PTPRD: variants seen among roughly 807,000 people sequenced by gnomAD.
The protein encoded by PTPRD is protein tyrosine phosphatase receptor type D.
In PTPRD, 34 loss-of-function variants were observed where a neutral mutation model predicts 214.5. The observed-to-expected ratio is 0.16, with a 90% CI of 0.12 to 0.21. The LOEUF (loss-of-function observed/expected upper bound fraction) is 0.21, where lower values mean the gene tolerates loss of function less well. Among genes scored for constraint, PTPRD ranks in the 10% least tolerant of loss-of-function variants. The pLI is 1.00. For missense variants in PTPRD, 2,545 were observed against 2,398.7 expected (o/e 1.06, Z -1.27); for synonymous variants, 1,128 against 845.7 (o/e 1.33, Z -5.79).
At chr9:9,271,646 A>G (rs979581618) in intron 9 of PTPRD, among the ~76,000 whole-genome samples, 5 of 151,436 alleles carry the variant, frequency 3.3e-5, no homozygotes, top group African/African-American at 9.7e-5. Flanking sequence ...GAGAATTTCT[A>G]TAAACAGTCT....
intron 2 of PTPRD, among the ~76,000 whole-genome samples, chr9:10,487,847 T>C (rs190073214): frequency 5.6e-5 from 8 of 143,988 alleles, no homozygotes; most frequent in African/African-American, 1.8e-4. Context: ...TTTTTTTTTT[T>C]AAAAAGGAGA....
rs116092068 is a variant in PTPRD at position 9,563,124 on chromosome 9, G to C, written c.-237+11608C>G. On this transcript the variant is annotated intron_variant, in intron 8 of 45. Coordinates refer to ENST00000381196, the MANE Select transcript of PTPRD (RefSeq NM_002839.4). Reference sequence around the variant, plus strand: ...TATAAGAAATATATAATGTGTTTCAGTCTGACCCTTCTCTTTGGTAGGAGC... The same window carrying C: ...TATAAGAAATATATAATGTGTTTCACTCTGACCCTTCTCTTTGGTAGGAGC... Among the ~76,000 whole-genome samples the C allele has an allele frequency of 2.8e-3, 430 of 152,256 alleles. 1 individual carries two copies. Among genetic ancestry groups the C allele is most frequent in the African/African-American group, 9.9e-3 (410 of 41,538 alleles).
At chr9:8,499,985 A>T (rs1021524941) in intron 24 of PTPRD, 145 bp from the exon 25 acceptor site, 3 of 537,036 alleles carry the variant, frequency 5.6e-6, no homozygotes, top group Non-Finnish European at 9.0e-6. Context: ...AACATTTTCA[A>T]CCAATGAAAA....
At chr9:9,465,800 C>T (rs1042393070) in intron 8 of PTPRD, among the ~76,000 whole-genome samples, 2 of 151,826 alleles carry the variant, frequency 1.3e-5, no homozygotes, top group East Asian at 1.9e-4. Context: ...GGGGAAGTGG[C>T]GATTTGCTTC....
intron 7 of PTPRD, among the ~76,000 whole-genome samples, chr9:9,641,475 G>T (rs16929978): frequency 6.6e-6 from 1 of 152,044 alleles, no homozygotes; most frequent in Non-Finnish European, 1.5e-5. Context: ...CACACTCCCC[G>T]CTAGAAATGA....
At chr9:9,274,073 A>T (rs1183378773) in intron 9 of PTPRD, among the ~76,000 whole-genome samples, 1 of 151,136 alleles carries the variant, frequency 6.6e-6, no homozygotes, top group African/African-American at 2.4e-5. Context: ...CTCTCCCTGT[A>T]TACTATTTTT....
At chr9:9,066,962 G>T (rs2099735538) in intron 10 of PTPRD, among the ~76,000 whole-genome samples, 1 of 152,224 alleles carries the variant, frequency 6.6e-6, no homozygotes, top group African/African-American at 2.4e-5. Context: ...ACTTGTCCTG[G>T]CTGGGCGCCA....
chr9:10,096,075 T>G (rs2098480844), intron 3 of PTPRD, among the ~76,000 whole-genome samples: 1 of 151,608 alleles, frequency 6.6e-6, no homozygotes. Flanking sequence ...CTTACCGCAT[T>G]AGAGTTTGGA....
chr9:9,742,020 G>T (rs894386537), intron 6 of PTPRD, among the ~76,000 whole-genome samples: 1 of 152,154 alleles, frequency 6.6e-6, no homozygotes, highest in Non-Finnish European at 1.5e-5. Context: ...AGATCTTTGA[G>T]GAATAGCCAC....
chr9:8,492,564 A>C (rs1244436945), intron 27 of PTPRD, among the ~76,000 whole-genome samples: 4 of 147,232 alleles, frequency 2.7e-5, no homozygotes, highest in Non-Finnish European at 6.0e-5. Context: ...TGTTTTGTTG[A>C]TTGCTTCATC....
At chr9:9,931,397 G>A (rs1180951290) in intron 5 of PTPRD, among the ~76,000 whole-genome samples, 1 of 152,178 alleles carries the variant, frequency 6.6e-6, no homozygotes, top group African/African-American at 2.4e-5. Context: ...AGCAGGGCGA[G>A]GCATTGCCTC....
chr9:8,527,258 A>G (rs2074417273), intron 16 of PTPRD, 87 bp downstream of exon 16: 5 of 1,406,208 alleles, frequency 3.6e-6, no homozygotes, highest in Non-Finnish European at 4.0e-6. Context: ...AGTAAAATGC[A>G]TGCCATGCAT....
Position 10,004,090 on chromosome 9 carries a change from A to T in PTPRD, c.-472+29628T>A, listed in dbSNP as rs552748540. On this transcript the variant is annotated intron_variant, in intron 4 of 45. Transcript: ENST00000381196. ...TTTATGGAGGAACTAATATTCATCA[A>T]ATATTATACTCAGCATGTGGCTACA... Among the ~76,000 whole-genome samples the T allele has an allele frequency of 1.4e-4, 22 of 152,034 alleles. No individual in the cohort carries two copies. The South Asian group carries it at 4.6e-3, about 32-fold the overall frequency.
intron 8 of PTPRD, among the ~76,000 whole-genome samples, chr9:9,541,998 G>T (rs994422007): frequency 6.6e-6 from 1 of 151,594 alleles, no homozygotes; most frequent in Non-Finnish European, 1.5e-5. Context: ...CAAGATAAGA[G>T]GAGAGGTCAA....
intron 9 of PTPRD, among the ~76,000 whole-genome samples, chr9:9,210,777 T>C (rs1028310198): frequency 5.3e-5 from 8 of 152,100 alleles, no homozygotes; most frequent in Admixed American, 6.6e-5. Flanking sequence ...GCAACTATTT[T>C]TTTTGTTGTG....
At chr9:10,573,413 T>G (rs1183375965) in intron 2 of PTPRD, among the ~76,000 whole-genome samples, 1 of 152,172 alleles carries the variant, frequency 6.6e-6, no homozygotes, top group Non-Finnish European at 1.5e-5. Flanking sequence ...TTATTCACAT[T>G]TGAGTTCAGA....
chr9:8,577,037 C>T (rs919033081), intron 14 of PTPRD, among the ~76,000 whole-genome samples: 1 of 152,070 alleles, frequency 6.6e-6, no homozygotes, highest in Non-Finnish European at 1.5e-5. Flanking sequence ...TTCAAAACAG[C>T]AAATATATTA....
intron 11 of PTPRD, among the ~76,000 whole-genome samples, chr9:8,866,710 C>T (rs996027652): frequency 3.3e-5 from 5 of 152,150 alleles, no homozygotes; most frequent in African/African-American, 1.2e-4. Context: ...TCTTACTCAG[C>T]CAGAAAGTTT....
At chr9:8,610,619 C>T (rs1161247196) in intron 14 of PTPRD, among the ~76,000 whole-genome samples, 1 of 152,166 alleles carries the variant, frequency 6.6e-6, no homozygotes, top group Non-Finnish European at 1.5e-5. Context: ...ATGCTAAGCA[C>T]CACAGACTGA....
Sources: gnomAD v4.1 joint callset for allele counts (sites outside exome capture counted in the v4.1 genomes callset) on GRCh38, gnomAD v4.1.1 for gene constraint, MANE v1.5 for transcripts, NCBI Gene and HGNC (gene_info 2026-07-23, HGNC 2026-07-21) for gene names.